ANKRD10: variants seen among roughly 807,000 people sequenced by gnomAD.
ANKRD10 encodes ankyrin repeat domain 10, also known as ankyrin repeat domain-containing protein 10.
ANKRD10 carries 14 observed loss-of-function variants against 27.0 expected under a neutral mutation model. The observed-to-expected ratio is 0.52, with a 90% CI of 0.34 to 0.81. The LOEUF (loss-of-function observed/expected upper bound fraction) is 0.81. Among genes scored for constraint, ANKRD10 ranks in the 40% least tolerant of loss-of-function variants. The probability of loss-of-function intolerance (pLI) is 0.01; values close to 1 mark genes in which losing one functional copy is unlikely to be tolerated. For missense variants in ANKRD10, 493 were observed against 544.0 expected (o/e 0.91, Z 0.93); for synonymous variants, 250 against 224.5 (o/e 1.11, Z -1.01).
intron 2 of ANKRD10, 91 bp downstream of exon 2, chr13:110,910,527 T>C (rs1236068626): frequency 6.7e-7 from 1 of 1,487,732 alleles, no homozygotes; most frequent in Middle Eastern, 1.8e-4. Context: ...CAAACTCTAA[T>C]TAAGGCCTCG....
Position 110,910,761 on chromosome 13 carries a change from A to ATTAG in ANKRD10, c.219_220insCTAA (p.Val75IlefsTer46). On this transcript the variant is annotated frameshift_variant, in exon 2 of 6. Coordinates refer to ENST00000267339, the MANE Select transcript of ANKRD10 (RefSeq NM_017664.4). LOFTEE classifies it high-confidence loss of function. ...GCTCCCGCTCTCACCAACTGCACTAAGCACTCCAACTTCGAAAACAAGAGG... is the reference window on the plus strand; with the variant it reads ...GCTCCCGCTCTCACCAACTGCACTAATTAGGCACTCCAACTTCGAAAACAAGAGG... 6.2e-7 allele frequency: 1 copy of ATTAG among 1,613,570 alleles called. No homozygotes were observed. Among genetic ancestry groups the ATTAG allele is most frequent in the East Asian group, 2.2e-5 (1 of 44,874 alleles).
intron 3 of ANKRD10, among the ~76,000 whole-genome samples, chr13:110,899,797 C>G (rs1024382097): frequency 6.8e-6 from 1 of 147,482 alleles, no homozygotes; most frequent in Non-Finnish European, 1.5e-5. Flanking sequence ...ATCATCTTTA[C>G]TGTGAATTAC....
chr13:110,897,719 T>G (rs1294438439), intron 3 of ANKRD10, among the ~76,000 whole-genome samples: 1 of 152,208 alleles, frequency 6.6e-6, no homozygotes, highest in Admixed American at 6.5e-5. Flanking sequence ...TACCCAGTAG[T>G]GGGACTGCTG....
chr13:110,914,904 C>T lies in ANKRD10; in HGVS notation c.31G>A (p.Glu11Lys), dbSNP rs1371128599. Reference sequence around the variant, plus strand: ...AGCTCCTCGCTGGAGAAGCCCGCCTCTACGCCCGCGCCCGCTCCCGCCGCC... The same window carrying T: ...AGCTCCTCGCTGGAGAAGCCCGCCTTTACGCCCGCGCCCGCTCCCGCCGCC... MSAAGAGAGV[E>K]AGFSSEELLS... The change falls in exon 1 of 6, where the codon GAG (glutamate) becomes AAG (lysine). Residue 11 changes from glutamate to lysine, a missense_variant. Transcript: ENST00000267339. 1 of 1,538,054 alleles carries T rather than the reference C, an allele frequency of 6.5e-7. No homozygotes were observed. The highest frequency in any genetic ancestry group is 2.0e-5 in the Admixed American group (1 of 51,030).
intron 4 of ANKRD10, among the ~76,000 whole-genome samples, chr13:110,887,962 T>C (rs552258715): frequency 1.3e-5 from 2 of 152,238 alleles, no homozygotes; most frequent in Non-Finnish European, 2.9e-5. Flanking sequence ...AGCCATTACC[T>C]GGAACTATTC....
intron 3 of ANKRD10, among the ~76,000 whole-genome samples, chr13:110,897,149 C>G (rs1056668423): frequency 6.6e-6 from 1 of 151,936 alleles, no homozygotes; most frequent in African/African-American, 2.4e-5. Context: ...TTTAAAGAGA[C>G]AGAGTATCTC....
chr13:110,913,319 G>A (rs888727660), intron 1 of ANKRD10, among the ~76,000 whole-genome samples: 1 of 152,220 alleles, frequency 6.6e-6, no homozygotes, highest in African/African-American at 2.4e-5. Flanking sequence ...ATTACTGACT[G>A]CCTCGGGAAA....
intron 3 of ANKRD10, chr13:110,895,339 T>C (rs2065198782): frequency 6.6e-6 from 1 of 152,238 alleles, no homozygotes; most frequent in Admixed American, 6.5e-5. Context: ...CCCAGCACTT[T>C]GGGAGGCCAA....
In ANKRD10 at chr13:110,910,740, C is replaced by A; in HGVS notation, c.241G>T (p.Gly81Ter). The stretch of plus-strand genomic sequence containing the variant: ...GTGGTGGAGACGTTGAGTGTGGCTC[C>A]CGCTCTCACCAACTGCACTAAGCAC... ...LECLVQLVRA[G>*]ATLNVSTTRY... The change falls in exon 2 of 6, where the codon GGA (glycine) becomes TGA (stop). Residue 81 changes from glycine to a stop codon, truncating the protein, a stop_gained. Coordinates refer to ENST00000267339, the MANE Select transcript of ANKRD10 (RefSeq NM_017664.4). LOFTEE classifies it high-confidence loss of function. 6.2e-7 allele frequency: 1 copy of A among 1,614,034 alleles called. No homozygotes were observed. Among genetic ancestry groups the A allele is most frequent in the Non-Finnish European group, 8.5e-7 (1 of 1,180,002 alleles).
intron 4 of ANKRD10, among the ~76,000 whole-genome samples, chr13:110,891,869 G>T (rs888108353): frequency 5.6e-4 from 64 of 115,182 alleles, no homozygotes; most frequent in African/African-American, 1.9e-3. Context: ...TTCTTATTAA[G>T]ACTTTTTTTT....
intron 2 of ANKRD10, among the ~76,000 whole-genome samples, chr13:110,907,035 G>C (rs887998540): frequency 1.3e-5 from 2 of 152,132 alleles, no homozygotes; most frequent in African/African-American, 4.8e-5. Flanking sequence ...CTTTCCGGTG[G>C]AAAATGAAGA....
At chr13:110,886,550 T>C (rs1254636374) in intron 4 of ANKRD10, among the ~76,000 whole-genome samples, 1 of 152,196 alleles carries the variant, frequency 6.6e-6, no homozygotes. Flanking sequence ...AATTGGCTGG[T>C]AGAGATATTA....
Position 110,887,867 on chromosome 13 carries a change from CCTG to C in ANKRD10, c.692-4077_692-4075del, listed in dbSNP as rs375870692. On this transcript the variant is annotated intron_variant, in intron 4 of 5. Coordinates refer to ENST00000267339, the MANE Select transcript of ANKRD10 (RefSeq NM_017664.4). ...GGCCTTTCCACTGAACTGAGTGCAT[CCTG>C]CTGCTGCTTCCACTGGGGAAGCCTC... is the stretch of plus-strand genomic sequence containing the variant. Among the ~76,000 whole-genome samples, 13 of 152,300 alleles carry C rather than the reference CCTG, an allele frequency of 8.5e-5. No individual in the cohort carries two copies. In the South Asian group the frequency reaches 2.3e-3, roughly 27 times the overall value.
At chr13:110,891,186 A>G (rs1195055613) in intron 4 of ANKRD10, among the ~76,000 whole-genome samples, 3 of 152,248 alleles carry the variant, frequency 2.0e-5, no homozygotes, top group African/African-American at 7.2e-5. Flanking sequence ...ACATACAGGG[A>G]CAGACATGTA....
Position 110,900,800 on chromosome 13 carries a change from A to G in ANKRD10, c.455+5233T>C, listed in dbSNP as rs143595967. ...GGAAACTTAAATAATAAGGGATCACATATTTGCAGGCAACATTTGGATTAA... is the reference window on the plus strand; with the variant it reads ...GGAAACTTAAATAATAAGGGATCACGTATTTGCAGGCAACATTTGGATTAA... On this transcript the variant is annotated intron_variant, in intron 3 of 5. Coordinates refer to ENST00000267339, the MANE Select transcript of ANKRD10 (RefSeq NM_017664.4). The G allele has an allele frequency of 3.2e-4, 216 of 681,792 alleles. 1 individual carries two copies. The East Asian group carries it at 8.3e-3, about 26-fold the overall frequency. The allele number at this position is 681,792 out of a possible 1,614,324, so 42.2% of individuals were successfully genotyped here.
chr13:110,879,793 C>T lies in ANKRD10; in HGVS notation c.1107G>A (p.Gly369=), dbSNP rs759815288. Residue 369 remains glycine, a synonymous_variant, in exon 6 of 6, where the codon GGG becomes GGA. Transcript: ENST00000267339. Reference sequence around the variant, plus strand: ...GGTAGTGTCCATAGTACAGGTTATCCCCAATGTCTTCCACCCAGGAAGGCC... The same window carrying T: ...GGTAGTGTCCATAGTACAGGTTATCTCCAATGTCTTCCACCCAGGAAGGCC... ...ASRPSWVEDI[G]DNLYYGHYHG... 1 of 1,614,238 alleles carries T rather than the reference C, an allele frequency of 6.2e-7. No individual in the cohort carries two copies. The highest frequency in any genetic ancestry group is 2.2e-5 in the East Asian group (1 of 44,884).
Position 110,893,266 on chromosome 13 carries a change from G to A in ANKRD10, c.456-3C>T. ...TCAGGCCACTGGCATTTCTCAGGCT[G>A]TACAACACAAAAACACTGAATTACA... On this transcript the variant is annotated splice_region_variant and splice_polypyrimidine_tract_variant and intron_variant, in intron 3 of 5. Transcript: ENST00000267339. 1 of 1,613,534 alleles carries A rather than the reference G, an allele frequency of 6.2e-7. No homozygotes were observed. Among genetic ancestry groups the A allele is most frequent in the Non-Finnish European group, 8.5e-7 (1 of 1,179,584 alleles).
chr13:110,890,841 G>C (rs1046417368), intron 4 of ANKRD10, among the ~76,000 whole-genome samples: 2 of 152,080 alleles, frequency 1.3e-5, no homozygotes, highest in Non-Finnish European at 2.9e-5. Flanking sequence ...TCTAATCACT[G>C]GTCAACCAAA....
Position 110,879,632 on chromosome 13 carries a change from C to G in ANKRD10, c.*5G>C, listed in dbSNP as rs372947125. On this transcript the variant is annotated 3_prime_UTR_variant, in exon 6 of 6. Transcript: ENST00000267339. ...CCTGCGTTTCCGAGAGCCAGGTCAG[C>G]GTCTCTAGGAGCCGTGGTGCAGGTG... The G allele has an allele frequency of 1.9e-6, 3 of 1,602,368 alleles. No individual in the cohort carries two copies. Among genetic ancestry groups the G allele is most frequent in the Non-Finnish European group, 2.6e-6 (3 of 1,171,772 alleles).
Sources: allele counts gnomAD v4.1 joint callset (sites outside exome capture counted in the v4.1 genomes callset), GRCh38; gene constraint gnomAD v4.1.1; transcripts MANE v1.5; gene names NCBI Gene and HGNC (gene_info 2026-07-23, HGNC 2026-07-21).